The following TENM2 variants were observed in gnomAD, a reference collection of about 807,000 sequenced individuals.
TENM2 encodes teneurin-2.
In TENM2, 52 loss-of-function variants were observed where a neutral mutation model predicts 245.2. The observed-to-expected ratio is 0.21, with a 90% confidence interval of 0.17 to 0.27. The LOEUF (loss-of-function observed/expected upper bound fraction) is 0.27, where lower values mean the gene tolerates loss of function less well. TENM2 is among the 10% of genes least tolerant of loss of function. The pLI, the probability that TENM2 is intolerant of heterozygous loss-of-function variation, is 1.00. For missense variants in TENM2, 3,046 were observed against 3,666.8 expected, an observed-to-expected ratio of 0.83 and a Z score of 4.37; for synonymous variants, 1,363 against 1,438.9, an observed-to-expected ratio of 0.95 and a Z score of 1.19.
the TENM2 span, among the ~76,000 whole-genome samples, chr5:167,216,161 C>T: frequency 1.3e-5 from 2 of 152,154 alleles, no homozygotes; most frequent in Non-Finnish European, 2.9e-5. Context: ...AGGCTAGAGC[C>T]AGAATGGAAA....
intron 9 of TENM2, among the ~76,000 whole-genome samples, chr5:168,110,079 A>G (rs1344768806): frequency 2.0e-5 from 3 of 147,568 alleles, no homozygotes; most frequent in African/African-American, 7.6e-5. Context: ...ACTACTAGAT[A>G]AGTAGCAGAG....
intron 2 of TENM2, among the ~76,000 whole-genome samples, chr5:167,502,514 C>G (rs968716232): frequency 1.3e-5 from 2 of 152,104 alleles, no homozygotes; most frequent in Non-Finnish European, 2.9e-5. Flanking sequence ...ATTGGGTAAA[C>G]AATATAGAAA....
At chr5:167,473,331 T>C (rs528890436) in intron 2 of TENM2, among the ~76,000 whole-genome samples, 26 of 152,134 alleles carry the variant, frequency 1.7e-4, no homozygotes, top group South Asian at 6.2e-4. Context: ...TCTTTACTGG[T>C]TATATATGTG....
intron 3 of TENM2, among the ~76,000 whole-genome samples, chr5:167,888,156 C>A (rs1371800093): frequency 6.6e-6 from 1 of 152,208 alleles, no homozygotes; most frequent in East Asian, 1.9e-4. Flanking sequence ...GACTTCATAT[C>A]TTTTGGGGAA....
chr5:167,347,946 A>G (rs905309811), intron 1 of TENM2, among the ~76,000 whole-genome samples: 2 of 152,194 alleles, frequency 1.3e-5, no homozygotes, highest in East Asian at 3.9e-4. Context: ...AAGAATCTAC[A>G]GGGGCAACCA....
At chr5:167,328,288 CCT>C in intron 1 of TENM2, among the ~76,000 whole-genome samples, 1 of 141,358 alleles carries the variant, frequency 7.1e-6, no homozygotes, top group Non-Finnish European at 1.5e-5. Flanking sequence ...CTCACTGCAA[CCT>C]CTGTCTCCTG....
At chr5:167,935,466 A>G (rs1039515498) in intron 3 of TENM2, among the ~76,000 whole-genome samples, 5 of 152,194 alleles carry the variant, frequency 3.3e-5, no homozygotes, top group Admixed American at 2.0e-4. Context: ...AGCCGTTGCT[A>G]TTGGAAACTG....
chr5:168,041,185 G>A (rs1788154197), intron 5 of TENM2, among the ~76,000 whole-genome samples: 2 of 152,176 alleles, frequency 1.3e-5, no homozygotes, highest in Non-Finnish European at 2.9e-5. Flanking sequence ...AGTTGCATGT[G>A]TCTGGGTCTA....
chr5:167,496,350 G>A (rs954643153), intron 2 of TENM2, among the ~76,000 whole-genome samples: 1 of 151,990 alleles, frequency 6.6e-6, no homozygotes, highest in Non-Finnish European at 1.5e-5. Flanking sequence ...TTTTTAAAAT[G>A]ACACTGAGAG....
the TENM2 span, among the ~76,000 whole-genome samples, chr5:167,038,410 G>A: frequency 6.6e-6 from 1 of 152,190 alleles, no homozygotes; most frequent in South Asian, 2.1e-4. Flanking sequence ...GGAGGACCAC[G>A]ACTGTCCTCT....
At chr5:168,092,054 T>G (rs777487908) in intron 8 of TENM2, among the ~76,000 whole-genome samples, 1 of 152,216 alleles carries the variant, frequency 6.6e-6, no homozygotes, top group Admixed American at 6.5e-5. Context: ...AGTATCGCTC[T>G]TTTTCTATTG....
chr5:168,186,744 C>T (rs1411064469), intron 13 of TENM2: 1 of 152,212 alleles, frequency 6.6e-6, no homozygotes, highest in Non-Finnish European at 1.5e-5. Flanking sequence ...TTTCCCTCTG[C>T]TGTTGAATGG....
intron 2 of TENM2, among the ~76,000 whole-genome samples, chr5:167,671,544 G>A (rs1399454565): frequency 1.3e-5 from 2 of 152,032 alleles, no homozygotes; most frequent in Admixed American, 6.6e-5. Flanking sequence ...ATTTGACATC[G>A]AGTTAGGCAT....
At chr5:167,375,265 C>A (rs557576877) in exon 2 of TENM2, 2 of 1,551,718 alleles carry the variant, frequency 1.3e-6, no homozygotes. Context: ...GCTACTGCTC[C>A]GACATGGGGA....
At chr5:167,825,211 ACT>A (rs1767863312) in intron 2 of TENM2, among the ~76,000 whole-genome samples, 1 of 151,732 alleles carries the variant, frequency 6.6e-6, no homozygotes. Flanking sequence ...CAAAATTCTG[ACT>A]CTGTAGATAG....
chr5:168,131,489 C>A (rs547921852), intron 12 of TENM2, among the ~76,000 whole-genome samples: 1 of 152,178 alleles, frequency 6.6e-6, no homozygotes, highest in South Asian at 2.1e-4. Context: ...GGAAAGAAAT[C>A]GGTGCTTGTG....
intron 7 of TENM2, among the ~76,000 whole-genome samples, chr5:168,065,338 T>C (rs1056258361): frequency 1.3e-5 from 2 of 152,144 alleles, no homozygotes; most frequent in African/African-American, 4.8e-5. Context: ...AGAGACAACA[T>C]TGCATAGGAG....
intron 9 of TENM2, among the ~76,000 whole-genome samples, chr5:168,103,863 C>A (rs187185100): frequency 1.1e-3 from 170 of 152,262 alleles, no homozygotes; most frequent in Admixed American, 2.0e-3. Flanking sequence ...TGACTGTTGG[C>A]AGGGAGTAAC....
At chr5:167,941,294 T>C (rs1425623530) in intron 3 of TENM2, among the ~76,000 whole-genome samples, 1 of 152,226 alleles carries the variant, frequency 6.6e-6, no homozygotes, top group African/African-American at 2.4e-5. Context: ...AACACAGGTC[T>C]TCTTGTGCTA....
Sources: allele counts gnomAD v4.1 joint callset (sites outside exome capture counted in the v4.1 genomes callset), GRCh38; gene constraint gnomAD v4.1.1; transcripts MANE v1.5; gene names NCBI Gene and HGNC (gene_info 2026-07-23, HGNC 2026-07-21).